CHCHD3: variants seen among roughly 807,000 people sequenced by gnomAD.
CHCHD3 encodes the protein MICOS complex subunit MIC19.
CHCHD3 carries 20 observed loss-of-function variants against 38.2 expected under a neutral mutation model. The ratio of observed to expected loss-of-function variants is 0.52; its 90% CI spans 0.37 to 0.76. CHCHD3 has a LOEUF of 0.76. CHCHD3 is among the 30% of genes least tolerant of loss of function. The pLI is 0.00. For missense variants in CHCHD3, 245 were observed against 279.2 expected (o/e 0.88, Z 0.87); for synonymous variants, 82 against 100.0 (o/e 0.82, Z 1.07).
chr7:133,022,086 C>CA lies in CHCHD3; in HGVS notation c.251+2459dup, dbSNP rs566668172. Among the ~76,000 whole-genome samples, 343 of 146,976 alleles carry CA rather than the reference C, an allele frequency of 2.3e-3. 1 individual carries two copies. Among genetic ancestry groups the CA allele is most frequent in the Non-Finnish European group, 3.9e-3 (260 of 66,574 alleles). On this transcript the variant is annotated intron_variant, in intron 3 of 7. Transcript: ENST00000262570. ...TGGGTGACAGAGCGAGACTCCATCTCAAAAAAAAACAAAAAACAAACAAAA... is the reference window on the plus strand; with the variant it reads ...TGGGTGACAGAGCGAGACTCCATCTCAAAAAAAAAACAAAAAACAAACAAAA...
At chr7:132,883,156 C>T (rs1169691772) in intron 5 of CHCHD3, among the ~76,000 whole-genome samples, 1 of 152,134 alleles carries the variant, frequency 6.6e-6, no homozygotes, top group Non-Finnish European at 1.5e-5. Flanking sequence ...AAACTTCTTC[C>T]CTTCATAAAT....
chr7:132,957,759 C>T (rs1269750452), intron 4 of CHCHD3, among the ~76,000 whole-genome samples: 2 of 152,138 alleles, frequency 1.3e-5, no homozygotes, highest in African/African-American at 2.4e-5. Context: ...GGATTACAGA[C>T]GTGAGCCACT....
At chr7:133,072,271 A>G (rs866071459) in intron 1 of CHCHD3, among the ~76,000 whole-genome samples, 6,006 of 152,196 alleles carry the variant, frequency 0.039, 397 homozygotes, top group African/African-American at 0.14. Context: ...TTTAAAAAAA[A>G]AAAGCTATTA....
intron 3 of CHCHD3, among the ~76,000 whole-genome samples, chr7:132,988,504 T>C (rs1812186628): frequency 6.6e-6 from 1 of 152,210 alleles, no homozygotes; most frequent in African/African-American, 2.4e-5. Context: ...ACTCTTTATA[T>C]AATGATTATT....
chr7:133,038,649 A>G (rs1813744428), intron 2 of CHCHD3, among the ~76,000 whole-genome samples: 1 of 152,228 alleles, frequency 6.6e-6, no homozygotes, highest in Non-Finnish European at 1.5e-5. Context: ...GACTTAAGCC[A>G]TCAGCTGAGG....
intron 1 of CHCHD3, among the ~76,000 whole-genome samples, chr7:133,078,572 A>T (rs546934546): frequency 6.6e-6 from 1 of 152,312 alleles, no homozygotes; most frequent in Admixed American, 6.5e-5. Flanking sequence ...TATGAAAAAA[A>T]TAAAGGAAGA....
intron 1 of CHCHD3, among the ~76,000 whole-genome samples, chr7:133,072,946 C>A (rs984512338): frequency 2.6e-5 from 4 of 151,942 alleles, no homozygotes; most frequent in African/African-American, 9.7e-5. Context: ...TTTCAAGTAA[C>A]TGAGTGATCC....
intron 6 of CHCHD3, among the ~76,000 whole-genome samples, chr7:132,828,326 T>C (rs1807559592): frequency 6.6e-6 from 1 of 152,220 alleles, no homozygotes; most frequent in South Asian, 2.1e-4. Context: ...GTTTTAAATG[T>C]ACAGTTCCCT....
intron 4 of CHCHD3, among the ~76,000 whole-genome samples, chr7:132,953,198 A>T (rs181110115): frequency 1.3e-3 from 204 of 152,298 alleles, no homozygotes; most frequent in Admixed American, 2.5e-3. Flanking sequence ...AAGTGATTAT[A>T]ACCTTCTCCA....
At chr7:133,054,422 C>A (rs950383645) in intron 2 of CHCHD3, among the ~76,000 whole-genome samples, 1 of 152,102 alleles carries the variant, frequency 6.6e-6, no homozygotes, top group African/African-American at 2.4e-5. Flanking sequence ...GCTATGAGCT[C>A]CCAGTCCAAA....
intron 4 of CHCHD3, among the ~76,000 whole-genome samples, chr7:132,936,100 C>T (rs1810626318): frequency 1.3e-5 from 2 of 152,130 alleles, no homozygotes; most frequent in African/African-American, 2.4e-5. Flanking sequence ...GACATTCTAA[C>T]CATTGCATAG....
intron 2 of CHCHD3, among the ~76,000 whole-genome samples, chr7:133,047,010 C>T (rs190098208): frequency 2.0e-4 from 31 of 152,258 alleles, no homozygotes; most frequent in African/African-American, 7.2e-4. Flanking sequence ...GACATTGTTA[C>T]CTGTGGTCTA....
chr7:133,053,244 A>G (rs752277613), intron 2 of CHCHD3, among the ~76,000 whole-genome samples: 1 of 152,214 alleles, frequency 6.6e-6, no homozygotes, highest in Admixed American at 6.5e-5. Context: ...TTAAATATCT[A>G]TCAATATTCG....
At chr7:133,031,213 A>G (rs780120018) in intron 2 of CHCHD3, among the ~76,000 whole-genome samples, 33 of 152,160 alleles carry the variant, frequency 2.2e-4, no homozygotes, top group Admixed American at 5.2e-4. Context: ...CCTGTCTTCT[A>G]TGTGACAGGT....
Position 132,963,375 on chromosome 7 carries a change from T to C in CHCHD3, c.369+11794A>G, listed in dbSNP as rs368948128. 6.7e-5 allele frequency among the ~76,000 whole-genome samples: 9 copies of C among 134,214 alleles called. No homozygotes were observed. The East Asian group carries it at 1.2e-3, about 18-fold the overall frequency. 88.0% of individuals were successfully genotyped at this position (134,214 alleles called of 152,430 possible). ...TGCCAGGCACTGTGGCTCACGCCTA[T>C]AATCCCAGCACTTTGGGAGGCCAAG... is the stretch of plus-strand genomic sequence containing the variant. On this transcript the variant is annotated intron_variant, in intron 4 of 7. Transcript: ENST00000262570.
intron 3 of CHCHD3, among the ~76,000 whole-genome samples, chr7:132,990,139 C>CTCCA (rs1812235540): frequency 6.6e-6 from 1 of 152,160 alleles, no homozygotes; most frequent in South Asian, 2.1e-4. Flanking sequence ...CGCCATTGCA[C>CTCCA]TCCAACCTGG....
At chr7:132,854,404 C>A (rs927006390) in intron 5 of CHCHD3, among the ~76,000 whole-genome samples, 1 of 152,022 alleles carries the variant, frequency 6.6e-6, no homozygotes, top group Non-Finnish European at 1.5e-5. Context: ...AAGTTTTAGC[C>A]CTTGGTGAAC....
At chr7:132,940,014 G>A (rs913919779) in intron 4 of CHCHD3, among the ~76,000 whole-genome samples, 13 of 152,262 alleles carry the variant, frequency 8.5e-5, no homozygotes, top group South Asian at 8.3e-4. Context: ...TCTAAAAGGC[G>A]TGAGTGATCG....
intron 4 of CHCHD3, among the ~76,000 whole-genome samples, chr7:132,967,270 T>C (rs1347643187): frequency 6.6e-6 from 1 of 152,190 alleles, no homozygotes; most frequent in Non-Finnish European, 1.5e-5. Context: ...TCAATAGCAT[T>C]CTACTCAACT....
Sources: allele counts gnomAD v4.1 joint callset (sites outside exome capture counted in the v4.1 genomes callset), GRCh38; gene constraint gnomAD v4.1.1; transcripts MANE v1.5; gene names NCBI Gene and HGNC (gene_info 2026-07-23, HGNC 2026-07-21).